The following CDH7 variants were observed in gnomAD, a reference collection of about 807,000 sequenced individuals.
CDH7 encodes the protein cadherin 7, also known as cadherin-7.
Under a neutral mutation model 71.8 loss-of-function variants are expected in CDH7, and 25 were observed. The ratio of observed to expected loss-of-function variants is 0.35; its 90% confidence interval spans 0.25 to 0.49. CDH7 has a LOEUF of 0.49. Ranked by LOEUF, CDH7 falls within the 20% of genes least tolerant of loss-of-function variation. The pLI, the probability that CDH7 is intolerant of heterozygous loss-of-function variation, is 0.99. For synonymous variants in CDH7, 381 were observed against 363.8 expected (o/e 1.05, Z -0.54); for missense variants, 862 against 974.6 (o/e 0.88, Z 1.54).
intron 7 of CDH7, among the ~76,000 whole-genome samples, chr18:65,854,393 T>C (rs1433225954): frequency 6.6e-6 from 1 of 152,208 alleles, no homozygotes; most frequent in Non-Finnish European, 1.5e-5. Context: ...TTGTTGCCCA[T>C]GTTTTTTCAA....
chr18:65,775,760 T>G (rs2143816487), intron 2 of CDH7, among the ~76,000 whole-genome samples: 1 of 152,270 alleles, frequency 6.6e-6, no homozygotes, highest in African/African-American at 2.4e-5. Context: ...GGGCCTTGAG[T>G]TGGACAAGTA....
chr18:65,759,420 T>C (rs1916125745), intron 1 of CDH7, among the ~76,000 whole-genome samples: 1 of 151,376 alleles, frequency 6.6e-6, no homozygotes, highest in Admixed American at 6.6e-5. Context: ...AATTTTTTTT[T>C]TTTTTTAATT....
rs1258250661 is a variant in CDH7 at position 65,880,712 on chromosome 18, C to G, written c.2176C>G (p.Pro726Ala). ...AGCCGATGTTGATCCTGGTGCTCCT[C>G]CTTATGACTCCCTGCAGACATATGC... ...KEADVDPGAP[P>A]YDSLQTYAFE... Residue 726 changes from proline (P) to alanine (A), a missense_variant, in exon 12 of 12, where the codon CCT (proline) becomes GCT (alanine). Physicochemically the swap from Pro to Ala is conservative, Grantham distance 27. Transcript: ENST00000397968. 1 of 1,613,986 alleles carries G rather than the reference C, an allele frequency of 6.2e-7. No individual in the cohort carries two copies. The highest frequency in any genetic ancestry group is 1.7e-5 in the Admixed American group (1 of 59,998).
At chr18:65,777,034 G>A (rs1288491919) in intron 2 of CDH7, among the ~76,000 whole-genome samples, 1 of 152,086 alleles carries the variant, frequency 6.6e-6, no homozygotes, top group Non-Finnish European at 1.5e-5. Context: ...GTCCAAAAGG[G>A]GAACTATTGC....
At chr18:65,873,721 A>G (rs1913992098) in intron 11 of CDH7, among the ~76,000 whole-genome samples, 1 of 152,134 alleles carries the variant, frequency 6.6e-6, no homozygotes, top group South Asian at 2.1e-4. Flanking sequence ...ATTAGAAATG[A>G]TGATTGTTCA....
chr18:65,761,442 A>C (rs1246321704), intron 1 of CDH7, among the ~76,000 whole-genome samples: 2 of 151,870 alleles, frequency 1.3e-5, no homozygotes, highest in African/African-American at 4.8e-5. Context: ...AGGTAGAAAG[A>C]CTGAAAAGCT....
chr18:65,796,204 A>G (rs1910907032), intron 2 of CDH7, among the ~76,000 whole-genome samples: 1 of 152,164 alleles, frequency 6.6e-6, no homozygotes, highest in Non-Finnish European at 1.5e-5. Context: ...ATTGCAAGCT[A>G]GTATACACAA....
At chr18:65,877,808 A>G (rs1210296783) in intron 11 of CDH7, among the ~76,000 whole-genome samples, 1 of 152,226 alleles carries the variant, frequency 6.6e-6, no homozygotes, top group Non-Finnish European at 1.5e-5. Context: ...TTCAGAAACT[A>G]AAGTTGTATA....
At position 65,782,146 on chromosome 18, in the gene CDH7, CTTTCTTTCTTTCTTTCTTCCTTTCTT is replaced by C. The variant is rs1568182634; in HGVS notation, c.210+19096_210+19121del. On this transcript the variant is annotated intron_variant, in intron 2 of 11. Coordinates refer to ENST00000397968, the MANE Select transcript of CDH7 (RefSeq NM_004361.5). ...TCTTTCTTTCTTTCTTTCTTTCTTTCTTTCTTTCTTTCTTTCTTCCTTTCTTTCTTTCTTTCTTTCTTGACAGAGTC... is the reference window on the plus strand; with the variant it reads ...TCTTTCTTTCTTTCTTTCTTTCTTTCTCTTTCTTTCTTTCTTGACAGAGTC... 2.5e-4 allele frequency among the ~76,000 whole-genome samples: 25 copies of C among 101,754 alleles called. 3 individuals are homozygous for C. The highest frequency in any genetic ancestry group is 1.2e-3 in the African/African-American group (23 of 18,906). The allele number at this position is 101,754 out of a possible 152,430, so 66.8% of individuals were successfully genotyped here.
intron 7 of CDH7, 145 bp from the exon 8 acceptor site, chr18:65,857,671 C>A: frequency 1.4e-6 from 1 of 740,608 alleles, no homozygotes; most frequent in Non-Finnish European, 2.2e-6. Flanking sequence ...GAGTTTTAAA[C>A]CAGGCATGCA....
At chr18:65,841,388 T>G (rs1212311404) in intron 6 of CDH7, among the ~76,000 whole-genome samples, 1 of 152,204 alleles carries the variant, frequency 6.6e-6, no homozygotes, top group Non-Finnish European at 1.5e-5. Flanking sequence ...GTATGCCTTT[T>G]GCTAATGTGA....
chr18:65,782,077 T>TC lies in CDH7; in HGVS notation c.210+19026dup, dbSNP rs1568182387. 5.6e-4 allele frequency among the ~76,000 whole-genome samples: 35 copies of TC among 62,050 alleles called. 7 individuals are homozygous for TC. The highest frequency in any genetic ancestry group is 7.0e-4 in the Non-Finnish European group (26 of 37,276). The allele number at this position is 62,050 out of a possible 152,430, so 40.7% of individuals were successfully genotyped here. On this transcript the variant is annotated intron_variant, in intron 2 of 11. Coordinates refer to ENST00000397968, the MANE Select transcript of CDH7 (RefSeq NM_004361.5). Reference sequence around the variant, plus strand: ...TCCTTCCTTCCTTTCTTTCTTTCTTTCTTTCCTTCCTTCCTTCCTTCCTTC... The same window carrying TC: ...TCCTTCCTTCCTTTCTTTCTTTCTTTCCTTTCCTTCCTTCCTTCCTTCCTTC...
At position 65,881,206 on chromosome 18, in the gene CDH7, T is replaced by C; in HGVS notation, c.*312T>C. On this transcript the variant is annotated 3_prime_UTR_variant, in exon 12 of 12. Transcript: ENST00000397968. ...TATACCTGCAAAGGCACCAAACCTCTATGAGAAAGTAGTGCCCTGTGTTGT... is the reference window on the plus strand; with the variant it reads ...TATACCTGCAAAGGCACCAAACCTCCATGAGAAAGTAGTGCCCTGTGTTGT... 1 of 212,474 alleles carries C rather than the reference T, an allele frequency of 4.7e-6. No homozygotes were observed. The highest frequency in any genetic ancestry group is 9.4e-6 in the Non-Finnish European group (1 of 105,890). The allele number at this position is 212,474 out of a possible 1,614,324, so 13.2% of individuals were successfully genotyped here. A position where few individuals can be genotyped will look rare whatever the true frequency, so the allele number is the denominator to read the frequency against.
chr18:65,859,142 A>G (rs112245860), intron 9 of CDH7, 96 bp downstream of exon 9: 24 of 1,189,302 alleles, frequency 2.0e-5, no homozygotes, highest in Non-Finnish European at 2.8e-5. Context: ...TTAAGATAAA[A>G]TATAATCAGC....
chr18:65,876,663 G>A (rs1302080620), intron 11 of CDH7, among the ~76,000 whole-genome samples: 2 of 152,040 alleles, frequency 1.3e-5, no homozygotes, highest in Admixed American at 6.6e-5. Context: ...TTCTTTATAA[G>A]ATCATGTGTC....
intron 2 of CDH7, among the ~76,000 whole-genome samples, chr18:65,779,315 T>TTA (rs1448523684): frequency 5.6e-5 from 8 of 143,158 alleles, no homozygotes; most frequent in Non-Finnish European, 9.1e-5. Flanking sequence ...TTTTTTTTTT[T>TTA]ATTATACTCT....
intron 5 of CDH7, 39 bp downstream of exon 5, chr18:65,822,287 T>C (rs746179150): frequency 9.9e-6 from 15 of 1,508,246 alleles, no homozygotes; most frequent in Non-Finnish European, 1.4e-5. Flanking sequence ...GCAATAACTT[T>C]CCCTGAAAGT....
chr18:65,871,229 C>T (rs1273811871), intron 11 of CDH7, among the ~76,000 whole-genome samples: 1 of 152,162 alleles, frequency 6.6e-6, no homozygotes, highest in African/African-American at 2.4e-5. Flanking sequence ...CAATGTATGA[C>T]CTATTATTGA....
At chr18:65,790,536 T>G (rs1910677503) in intron 2 of CDH7, among the ~76,000 whole-genome samples, 1 of 152,156 alleles carries the variant, frequency 6.6e-6, no homozygotes, top group Admixed American at 6.5e-5. Context: ...TAAAAAATGC[T>G]ACATTAAGTA....
Sources: gnomAD v4.1 joint callset for allele counts (sites outside exome capture counted in the v4.1 genomes callset) on GRCh38, gnomAD v4.1.1 for gene constraint, MANE v1.5 for transcripts, NCBI Gene and HGNC (gene_info 2026-07-23, HGNC 2026-07-21) for gene names.